The following IQCM variants were observed in gnomAD, a reference collection of about 807,000 sequenced individuals.
The protein encoded by IQCM is IQ domain-containing protein M.
IQCM carries 45 observed loss-of-function variants against 57.6 expected under a neutral mutation model. The observed-to-expected ratio is 0.78, with a 90% CI of 0.62 to 1.00. The LOEUF (loss-of-function observed/expected upper bound fraction) is 1.00. IQCM is among the 50% of genes least tolerant of loss of function. The probability of loss-of-function intolerance (pLI) is 0.00; values close to 1 mark genes in which losing one functional copy is unlikely to be tolerated. For missense variants in IQCM, 468 were observed against 511.6 expected, an observed-to-expected ratio of 0.91 and a Z score of 0.82; for synonymous variants, 148 against 158.9, an observed-to-expected ratio of 0.93 and a Z score of 0.51.
At chr4:149,586,270 AC>A in intron 9 of IQCM, among the ~76,000 whole-genome samples, 1 of 151,796 alleles carries the variant, frequency 6.6e-6, no homozygotes, top group East Asian at 1.9e-4. Context: ...GTTTTTGAAA[AC>A]AAATTCAATT....
At chr4:149,451,356 C>T (rs1737100738) in intron 12 of IQCM, among the ~76,000 whole-genome samples, 1 of 151,702 alleles carries the variant, frequency 6.6e-6, no homozygotes, top group African/African-American at 2.4e-5. Context: ...GTTTGTAACA[C>T]AAAGCATAAA....
intron 13 of IQCM, among the ~76,000 whole-genome samples, chr4:149,389,733 G>A (rs985378784): frequency 3.3e-5 from 5 of 150,606 alleles, no homozygotes; most frequent in Non-Finnish European, 7.4e-5. Flanking sequence ...GGGAGGGATA[G>A]CACTGGGAGA....
intron 12 of IQCM, among the ~76,000 whole-genome samples, chr4:149,486,239 G>C (rs775332004): frequency 1.9e-4 from 29 of 152,074 alleles, no homozygotes; most frequent in Non-Finnish European, 3.7e-4. Flanking sequence ...TGTGTCCAGA[G>C]ATGCTATCTG....
chr4:149,798,882 G>A lies in IQCM; in HGVS notation c.-49+16429C>T, dbSNP rs1399706539. Reference sequence around the variant, plus strand: ...AGAGATGGGTCCCAATACAATAAGAGGTGGAGACTTCAACACTCCACGTTA... The same window carrying A: ...AGAGATGGGTCCCAATACAATAAGAAGTGGAGACTTCAACACTCCACGTTA... On this transcript the variant is annotated intron_variant, in intron 2 of 13. Coordinates refer to ENST00000636793, the MANE Select transcript of IQCM (RefSeq NM_001363507.2). Among the ~76,000 whole-genome samples the A allele has an allele frequency of 2.6e-5, 4 of 151,836 alleles. No individual in the cohort carries two copies. In the South Asian group the frequency reaches 8.3e-4, roughly 31 times the overall value.
intron 13 of IQCM, among the ~76,000 whole-genome samples, chr4:149,368,794 A>ATG (rs1560778833): frequency 3.9e-5 from 4 of 103,580 alleles, no homozygotes; most frequent in Non-Finnish European, 8.4e-5. Flanking sequence ...GTATATATAT[A>ATG]CATATATATA....
At chr4:149,633,369 T>C (rs971670964) in intron 7 of IQCM, among the ~76,000 whole-genome samples, 6 of 152,144 alleles carry the variant, frequency 3.9e-5, no homozygotes, top group African/African-American at 1.4e-4. Flanking sequence ...TCATTATTTC[T>C]ACTTGTTATC....
chr4:149,682,146 G>A lies in IQCM; in HGVS notation c.537C>T (p.Thr179=), dbSNP rs1421017460. 1 of 1,223,476 alleles carries A rather than the reference G, an allele frequency of 8.2e-7. No homozygotes were observed. The highest frequency in any genetic ancestry group is 1.6e-5 in the African/African-American group (1 of 64,094). 75.8% of individuals were successfully genotyped at this position (1,223,476 alleles called of 1,614,324 possible). A position where few individuals can be genotyped will look rare whatever the true frequency, so the allele number is the denominator to read the frequency against. Residue 179 remains threonine (T), a synonymous_variant, in exon 7 of 14, where the codon ACC becomes ACT. Transcript: ENST00000636793. Reference sequence around the variant, plus strand: ...GTTCTTTCAGAAGTTCCAAGTTAGAGGTCCCAGGTTGTAAGTAAAGATGGA... The same window carrying A: ...GTTCTTTCAGAAGTTCCAAGTTAGAAGTCCCAGGTTGTAAGTAAAGATGGA... The part of the protein sequence containing the change: ...FPVHLYLQPG[T]SNLELLKEPD...
chr4:149,439,977 G>A (rs974343284), intron 12 of IQCM, among the ~76,000 whole-genome samples: 5 of 146,074 alleles, frequency 3.4e-5, no homozygotes, highest in Admixed American at 6.9e-5. Flanking sequence ...TTTTTTTTGA[G>A]ACAGAGTTTT....
At chr4:149,677,137 T>C (rs560679879) in intron 7 of IQCM, among the ~76,000 whole-genome samples, 26 of 152,190 alleles carry the variant, frequency 1.7e-4, no homozygotes, top group African/African-American at 6.0e-4. Context: ...AAGAGCTTAT[T>C]CACCATCTTG....
chr4:149,600,270 C>A (rs574497865), intron 8 of IQCM, among the ~76,000 whole-genome samples: 3 of 152,140 alleles, frequency 2.0e-5, no homozygotes, highest in African/African-American at 7.2e-5. Flanking sequence ...CTGCCTTGTG[C>A]TTTATGTGTA....
chr4:149,668,514 C>T (rs189864314), intron 7 of IQCM, among the ~76,000 whole-genome samples: 4 of 151,976 alleles, frequency 2.6e-5, no homozygotes, highest in Admixed American at 2.6e-4. Flanking sequence ...CTCAGGGCAG[C>T]GGGGGGCAAG....
At chr4:149,791,817 T>C (rs1027737093) in intron 2 of IQCM, among the ~76,000 whole-genome samples, 12 of 152,144 alleles carry the variant, frequency 7.9e-5, no homozygotes, top group Admixed American at 7.9e-4. Context: ...TATGATCAAT[T>C]GCAAACAGTC....
At chr4:149,416,071 A>G (rs949994174) in intron 13 of IQCM, among the ~76,000 whole-genome samples, 2 of 152,138 alleles carry the variant, frequency 1.3e-5, no homozygotes, top group Admixed American at 1.3e-4. Flanking sequence ...GCCTGTTAGT[A>G]GAGTTAATTT....
At chr4:149,555,426 A>C (rs1290156333) in intron 10 of IQCM, among the ~76,000 whole-genome samples, 2 of 152,152 alleles carry the variant, frequency 1.3e-5, no homozygotes, top group East Asian at 3.9e-4. Context: ...AATGGAAACA[A>C]ATAATGCTTT....
intron 13 of IQCM, among the ~76,000 whole-genome samples, chr4:149,415,145 T>C (rs925795115): frequency 6.6e-6 from 1 of 152,176 alleles, no homozygotes; most frequent in Admixed American, 6.5e-5. Context: ...CATGTCACAG[T>C]TTCATCATAT....
chr4:149,539,689 C>A (rs566084345), intron 12 of IQCM, among the ~76,000 whole-genome samples: 1 of 151,876 alleles, frequency 6.6e-6, no homozygotes, highest in African/African-American at 2.4e-5. Context: ...GGTGAAACCC[C>A]GTCTCTACTA....
At chr4:149,365,722 C>T (rs1263357396) in intron 13 of IQCM, among the ~76,000 whole-genome samples, 1 of 124,994 alleles carries the variant, frequency 8.0e-6, no homozygotes, top group Non-Finnish European at 1.8e-5. Flanking sequence ...TAATCCCAAT[C>T]TAAGCTTAAA....
intron 11 of IQCM, among the ~76,000 whole-genome samples, chr4:149,551,725 A>T (rs1749049394): frequency 6.6e-6 from 1 of 152,186 alleles, no homozygotes; most frequent in African/African-American, 2.4e-5. Context: ...TTCATAAAAA[A>T]AATACTAAGA....
chr4:149,717,571 T>C (rs924141483), intron 5 of IQCM, among the ~76,000 whole-genome samples: 3 of 152,276 alleles, frequency 2.0e-5, no homozygotes, highest in African/African-American at 7.2e-5. Context: ...CAAAGAAAAC[T>C]AAAATCTTAA....
Sources: allele counts gnomAD v4.1 joint callset (sites outside exome capture counted in the v4.1 genomes callset), GRCh38; gene constraint gnomAD v4.1.1; transcripts MANE v1.5; gene names NCBI Gene and HGNC (gene_info 2026-07-23, HGNC 2026-07-21).